ACER3: variants seen among roughly 807,000 people sequenced by gnomAD.
ACER3 encodes the protein alkaline ceramidase 3.
Under a neutral mutation model 48.9 loss-of-function variants are expected in ACER3, and 16 were observed. The ratio of observed to expected loss-of-function variants is 0.33; its 90% CI spans 0.22 to 0.50. The LOEUF (loss-of-function observed/expected upper bound fraction) is 0.50. Among genes scored for constraint, ACER3 ranks in the 20% least tolerant of loss-of-function variants. The probability of loss-of-function intolerance (pLI) is 0.98; values close to 1 mark genes in which losing one functional copy is unlikely to be tolerated. For synonymous variants in ACER3, 109 were observed against 107.8 expected, an observed-to-expected ratio of 1.01 and a Z score of -0.07; for missense variants, 227 against 326.0, an observed-to-expected ratio of 0.70 and a Z score of 2.34.
intron 1 of ACER3, among the ~76,000 whole-genome samples, chr11:76,865,874 C>T (rs1014309387): frequency 9.5e-5 from 14 of 147,974 alleles, no homozygotes; most frequent in Admixed American, 8.1e-4. Context: ...TGGAGTGCAG[C>T]GGCGTGATCT....
intron 2 of ACER3, among the ~76,000 whole-genome samples, chr11:76,929,457 T>C (rs983092250): frequency 9.8e-5 from 15 of 152,368 alleles, no homozygotes; most frequent in African/African-American, 3.4e-4. Flanking sequence ...CTTTATTTCT[T>C]TCTCCTGCCT....
chr11:76,957,118 T>C (rs1947860710), intron 2 of ACER3, among the ~76,000 whole-genome samples: 1 of 152,234 alleles, frequency 6.6e-6, no homozygotes, highest in Non-Finnish European at 1.5e-5. Flanking sequence ...TCAACGCATA[T>C]GTCCATGTGC....
intron 4 of ACER3, among the ~76,000 whole-genome samples, chr11:76,985,400 C>T (rs1478346703): frequency 1.3e-5 from 2 of 152,200 alleles, no homozygotes; most frequent in African/African-American, 2.4e-5. Context: ...GATTCAGTCT[C>T]TCTCTCCCAA....
At chr11:76,894,417 T>C (rs1945881036) in intron 1 of ACER3, among the ~76,000 whole-genome samples, 1 of 152,224 alleles carries the variant, frequency 6.6e-6, no homozygotes, top group Non-Finnish European at 1.5e-5. Context: ...AGGTATATCA[T>C]AGACATGTAA....
At chr11:76,990,498 A>G in intron 5 of ACER3, 41 bp from the exon 6 acceptor site, 1 of 1,409,874 alleles carries the variant, frequency 7.1e-7, no homozygotes, top group Non-Finnish European at 1.0e-6. Context: ...CCCCCTTCAT[A>G]ATGTACTTCA....
rs78299740 is a variant in ACER3 at position 76,885,742 on chromosome 11, A to G, written c.103+24663A>G. Reference sequence around the variant, plus strand: ...TAGGGGAATAGTAGCCTAGCATGTAAGAGTCTGATAAATGAGGTAGTTGGG... The same window carrying G: ...TAGGGGAATAGTAGCCTAGCATGTAGGAGTCTGATAAATGAGGTAGTTGGG... On this transcript the variant is annotated intron_variant, in intron 1 of 10. Coordinates refer to ENST00000532485, the MANE Select transcript of ACER3 (RefSeq NM_018367.7). Among the ~76,000 whole-genome samples the G allele has an allele frequency of 1.0e-3, 153 of 152,228 alleles. 1 individual carries two copies. The highest frequency in any genetic ancestry group is 3.6e-3 in the African/African-American group (149 of 41,538).
chr11:76,944,633 A>G (rs2134942110), intron 2 of ACER3, among the ~76,000 whole-genome samples: 1 of 152,212 alleles, frequency 6.6e-6, no homozygotes, highest in East Asian at 1.9e-4. Flanking sequence ...TAATTTTAAA[A>G]TTCTTTCTTT....
chr11:76,894,186 G>T (rs1443434411), intron 1 of ACER3, among the ~76,000 whole-genome samples: 1 of 152,194 alleles, frequency 6.6e-6, no homozygotes, highest in Non-Finnish European at 1.5e-5. Flanking sequence ...GGCTGAGGTA[G>T]GAGGATCACT....
At chr11:76,885,369 G>A (rs924956643) in intron 1 of ACER3, among the ~76,000 whole-genome samples, 8 of 152,056 alleles carry the variant, frequency 5.3e-5, no homozygotes, top group Non-Finnish European at 1.0e-4. Flanking sequence ...TGCCATGCTG[G>A]TTTGCTGCAC....
intron 1 of ACER3, among the ~76,000 whole-genome samples, chr11:76,917,859 CAAAA>C (rs5792749): frequency 4.4e-5 from 5 of 113,004 alleles, no homozygotes; most frequent in Non-Finnish European, 5.2e-5. Flanking sequence ...GACCCTGTCT[CAAAA>C]AAAAAAAAAA....
chr11:76,929,740 T>A (rs1231233737), intron 2 of ACER3, among the ~76,000 whole-genome samples: 1 of 152,262 alleles, frequency 6.6e-6, no homozygotes. Context: ...GTGGTTTTTG[T>A]CTTTGCTTCT....
chr11:76,911,195 CTATTTTTATGGT>C (rs1335561377), intron 1 of ACER3, among the ~76,000 whole-genome samples: 1 of 152,034 alleles, frequency 6.6e-6, no homozygotes, highest in Non-Finnish European at 1.5e-5. Flanking sequence ...TGCTGGTTGG[CTATTTTTATGGT>C]TATTTATTAA....
At chr11:76,892,341 T>G (rs1945826950) in intron 1 of ACER3, among the ~76,000 whole-genome samples, 1 of 152,206 alleles carries the variant, frequency 6.6e-6, no homozygotes, top group Non-Finnish European at 1.5e-5. Context: ...TCATTCTCTT[T>G]ATTTTTAAAA....
chr11:77,020,297 GATCCTGT>G lies in ACER3; in HGVS notation c.775_781del (p.Ile259LeufsTer26). 2 of 1,613,748 alleles carry G rather than the reference GATCCTGT, an allele frequency of 1.2e-6. No homozygotes were observed. Among genetic ancestry groups the G allele is most frequent in the Non-Finnish European group, 1.7e-6 (2 of 1,179,940 alleles). ...AGTTTCTCTTTGGAATCTGGCCAGTGATCCTGTTTGAGCCTCTCAGGAAGCATTGATG... is the reference window on the plus strand; with the variant it reads ...AGTTTCTCTTTGGAATCTGGCCAGTGTTGAGCCTCTCAGGAAGCATTGATG... On this transcript the variant is annotated frameshift_variant, in exon 11 of 11. Transcript: ENST00000532485. LOFTEE classifies it high-confidence loss of function.
chr11:76,955,249 A>G (rs1176199758), intron 2 of ACER3, among the ~76,000 whole-genome samples: 1 of 152,244 alleles, frequency 6.6e-6, no homozygotes, highest in Non-Finnish European at 1.5e-5. Flanking sequence ...TCCAAAGTAT[A>G]TATGAATGAA....
chr11:76,891,260 T>C (rs956168349), intron 1 of ACER3, among the ~76,000 whole-genome samples: 2 of 86,058 alleles, frequency 2.3e-5, no homozygotes, highest in African/African-American at 6.1e-5. Context: ...ATATATATAA[T>C]ATATATATAT....
rs2135109013 is a variant in ACER3, at chr11:76,968,590, C to A, written c.268-7699C>A. On this transcript the variant is annotated intron_variant, in intron 3 of 10. Coordinates refer to ENST00000532485, the MANE Select transcript of ACER3 (RefSeq NM_018367.7). The stretch of plus-strand genomic sequence containing the variant: ...AAACAGCCTGGTACTGGTACCAAAA[C>A]AGAGATATAGACCAATGGAACAGAA... Among the ~76,000 whole-genome samples, 3 of 152,290 alleles carry A rather than the reference C, an allele frequency of 2.0e-5. No individual in the cohort carries two copies. In the East Asian group the frequency reaches 5.8e-4, roughly 29 times the overall value.
intron 2 of ACER3, among the ~76,000 whole-genome samples, chr11:76,952,029 G>T (rs763053781): frequency 2.6e-5 from 4 of 151,936 alleles, no homozygotes; most frequent in Non-Finnish European, 5.9e-5. Context: ...TTTGACTTAG[G>T]AGATGGCACT....
intron 3 of ACER3, among the ~76,000 whole-genome samples, chr11:76,967,451 C>G (rs968321223): frequency 1.3e-5 from 2 of 152,210 alleles, no homozygotes; most frequent in Non-Finnish European, 2.9e-5. Context: ...CTCCCTAACT[C>G]ATTTTATGAG....
Sources: allele counts gnomAD v4.1 joint callset (sites outside exome capture counted in the v4.1 genomes callset), GRCh38; gene constraint gnomAD v4.1.1; transcripts MANE v1.5; gene names NCBI Gene and HGNC (gene_info 2026-07-23, HGNC 2026-07-21).